Variants in DNAH10 observed in about 807,000 individuals in gnomAD.
DNAH10 encodes axonemal beta dynein heavy chain 10.
In DNAH10, 348 loss-of-function variants were observed where a neutral mutation model predicts 506.6. The observed-to-expected ratio is 0.69, with a 90% confidence interval of 0.63 to 0.75. The LOEUF is 0.75. DNAH10 is among the 30% of genes least tolerant of loss of function. The pLI is 0.00. For missense variants in DNAH10, 5,179 were observed against 5,787.1 expected, an observed-to-expected ratio of 0.89 and a Z score of 3.41; for synonymous variants, 2,059 against 2,198.6, an observed-to-expected ratio of 0.94 and a Z score of 1.78.
intron 18 of DNAH10, among the ~76,000 whole-genome samples, chr12:123,806,880 G>A (rs566075185): frequency 6.6e-6 from 1 of 150,672 alleles, no homozygotes; most frequent in African/African-American, 2.4e-5. Context: ...CCATTCTCCT[G>A]CCTCAGCCTC....
Position 123,789,983 on chromosome 12 carries a change from C to T in DNAH10, c.1677C>T (p.Asp559=). The change falls in exon 11 of 79, where the codon GAC becomes GAT. Residue 559 remains aspartate, a synonymous_variant. Coordinates refer to ENST00000673944, the MANE Select transcript of DNAH10 (RefSeq NM_001372106.1). The stretch of plus-strand genomic sequence containing the variant: ...CAGAACTAAAGGCAGTGACGGGGGA[C>T]CCCAAGCGCATTGATGATGTCCTAT... The part of the protein sequence containing the change: ...FGPELKAVTG[D]PKRIDDVLCR... 1 of 1,614,052 alleles carries T rather than the reference C, an allele frequency of 6.2e-7. No homozygotes were observed. The highest frequency in any genetic ancestry group is 8.5e-7 in the Non-Finnish European group (1 of 1,179,990).
chr12:123,839,230 A>C (rs1044737247), intron 29 of DNAH10, among the ~76,000 whole-genome samples: 1 of 152,014 alleles, frequency 6.6e-6, no homozygotes, highest in African/African-American at 2.4e-5. Context: ...AAAAAAAAAA[A>C]ACAAAAAAAC....
chr12:123,796,570 T>C, intron 12 of DNAH10, 86 bp from the exon 13 acceptor site: 1 of 1,252,616 alleles, frequency 8.0e-7, no homozygotes, highest in Admixed American at 2.4e-5. Flanking sequence ...ATTCCACTTT[T>C]GGTTTCCTTA....
chr12:123,828,217 C>G (rs191510026), intron 25 of DNAH10, among the ~76,000 whole-genome samples: 206 of 151,662 alleles, frequency 1.4e-3, no homozygotes, highest in African/African-American at 4.1e-3. Context: ...AGTCGCCTGT[C>G]TCTGAGCCAG....
chr12:123,935,215 G>A (rs1329682595), intron 78 of DNAH10, 120 bp from the exon 79 acceptor site: 21 of 1,219,412 alleles, frequency 1.7e-5, no homozygotes, highest in Admixed American at 1.3e-4. Flanking sequence ...AGCCTTGTGC[G>A]TGTTCTCAGG....
chr12:123,869,971 C>G (rs980948708), intron 43 of DNAH10, among the ~76,000 whole-genome samples: 1 of 152,226 alleles, frequency 6.6e-6, no homozygotes, highest in East Asian at 1.9e-4. Context: ...ATGGCCACTT[C>G]TTGCCTGTAT....
chr12:123,765,445 ATTATT>A (rs1956988600), intron 1 of DNAH10, among the ~76,000 whole-genome samples: 2 of 152,140 alleles, frequency 1.3e-5, no homozygotes, highest in Non-Finnish European at 2.9e-5. Context: ...GGTAACCACT[ATTATT>A]AGTTTGGTGT....
At position 123,781,113 on chromosome 12, in the gene DNAH10, A is replaced by C. The variant is rs1430733291; in HGVS notation, c.655A>C (p.Arg219=). Residue 219 remains arginine, a synonymous_variant, in exon 6 of 79, where the codon AGG becomes CGG. Transcript: ENST00000673944. The stretch of plus-strand genomic sequence containing the variant: ...GCCAGCATTGTCCTTCAATCAGCAC[A>C]GGACGAGTACAACCGTGGGAGTCAC... The part of the protein sequence containing the change: ...FLPALSFNQH[R]TSTTVGVTSG... 6.2e-7 allele frequency: 1 copy of C among 1,613,710 alleles called. No homozygotes were observed. Among genetic ancestry groups the C allele is most frequent in the East Asian group, 2.2e-5 (1 of 44,890 alleles).
chr12:123,920,876 C>T (rs1954691924), intron 65 of DNAH10, among the ~76,000 whole-genome samples: 1 of 152,126 alleles, frequency 6.6e-6, no homozygotes, highest in Non-Finnish European at 1.5e-5. Context: ...CTCAAGTGAT[C>T]CTCTCACTTC....
Position 123,785,675 on chromosome 12 carries a change from T to A in DNAH10, c.1231-71T>A. 1 of 1,282,618 alleles carries A rather than the reference T, an allele frequency of 7.8e-7. No individual in the cohort carries two copies. Among genetic ancestry groups the A allele is most frequent in the Non-Finnish European group, 1.0e-6 (1 of 958,118 alleles). 79.5% of individuals were successfully genotyped at this position (1,282,618 alleles called of 1,614,324 possible). A position where few individuals can be genotyped will look rare whatever the true frequency, so the allele number is the denominator to read the frequency against. ...AAAAAGAGTGAAACTTCTTGCATGC[T>A]TACTGTTTTATGAAACTATTTGGAC... On this transcript the variant is annotated intron_variant, in intron 8 of 78. Transcript: ENST00000673944. The surrounding 1 kb of genome is among the most constrained non-coding windows in gnomAD (Gnocchi z 4.1).
chr12:123,879,577 G>C, intron 49 of DNAH10, 57 bp from the exon 50 acceptor site: 1 of 1,603,746 alleles, frequency 6.2e-7, no homozygotes. Flanking sequence ...CTCCTAGCAA[G>C]TTTCAGGCCG....
At chr12:123,854,963 A>G (rs971454131) in intron 36 of DNAH10, among the ~76,000 whole-genome samples, 2 of 152,250 alleles carry the variant, frequency 1.3e-5, no homozygotes, top group African/African-American at 4.8e-5. Context: ...TGTTTGGAAT[A>G]AAAGGTAAAG....
At chr12:123,877,125 A>T (rs1952289155) in intron 47 of DNAH10, among the ~76,000 whole-genome samples, 1 of 152,114 alleles carries the variant, frequency 6.6e-6, no homozygotes, top group Non-Finnish European at 1.5e-5. Context: ...ACTTACTCCC[A>T]TCCCACCTCT....
Position 123,907,850 on chromosome 12 carries a change from G to A in DNAH10, c.9816-1411G>A, listed in dbSNP as rs533737719. Among the ~76,000 whole-genome samples, 12 of 152,272 alleles carry A rather than the reference G, an allele frequency of 7.9e-5. No homozygotes were observed. In the South Asian group the frequency reaches 2.5e-3, roughly 32 times the overall value. The stretch of plus-strand genomic sequence containing the variant: ...CTAAGCAGCCAACACCAGCGTGATC[G>A]AGCCTTTTCCCGGGGACTCAGGGCC... On this transcript the variant is annotated intron_variant, in intron 57 of 78. Coordinates refer to ENST00000673944, the MANE Select transcript of DNAH10 (RefSeq NM_001372106.1). The surrounding 1 kb of genome is among the most constrained non-coding windows in gnomAD (Gnocchi z 4.4).
chr12:123,866,229 CTTTTTTTTTTTTTTTT>C (rs71088963), intron 41 of DNAH10, among the ~76,000 whole-genome samples, 156 bp downstream of exon 41: 30 of 58,212 alleles, frequency 5.2e-4, no homozygotes, highest in African/African-American at 7.4e-4. Flanking sequence ...GGCAGACACA[CTTTTTTTTTTTTTTTT>C]TTTTTTTTTT....
chr12:123,923,689 C>T, intron 65 of DNAH10, 74 bp from the exon 66 acceptor site: 1 of 970,648 alleles, frequency 1.0e-6, no homozygotes. Context: ...CGTTTAAGCA[C>T]AGTGTGCATA....
At chr12:123,803,887 T>A (rs1958562254) in intron 17 of DNAH10, 62 bp downstream of exon 17, 1 of 1,445,298 alleles carries the variant, frequency 6.9e-7, no homozygotes, top group South Asian at 1.3e-5. Context: ...TGTATATACA[T>A]ACATGTGTAT....
intron 28 of DNAH10, among the ~76,000 whole-genome samples, chr12:123,835,994 G>A (rs1001167214): frequency 1.2e-4 from 18 of 152,048 alleles, no homozygotes; most frequent in South Asian, 4.2e-4. Context: ...ATTCCCATTT[G>A]ATTTTTAGCT....
intron 76 of DNAH10, 32 bp from the exon 77 acceptor site, chr12:123,933,299 G>C: frequency 7.0e-7 from 1 of 1,421,462 alleles, no homozygotes; most frequent in Non-Finnish European, 9.3e-7. Context: ...GGCAGCCCCA[G>C]GCTCCCAGCA....
Sources: gnomAD v4.1 joint callset for allele counts (sites outside exome capture counted in the v4.1 genomes callset) on GRCh38, gnomAD v4.1.1 for gene constraint, Gnocchi (gnomAD v3.1) non-coding constraint, MANE v1.5 for transcripts, NCBI Gene and HGNC (gene_info 2026-07-23, HGNC 2026-07-21) for gene names.